The following STON1 variants were observed in gnomAD, a reference collection of about 807,000 sequenced individuals.
The protein encoded by STON1 is stonin 1, also known as stonin-1.
Under a neutral mutation model 60.9 loss-of-function variants are expected in STON1, and 79 were observed. The ratio of observed to expected loss-of-function variants is 1.30; its 90% CI spans 1.08 to 1.56. The LOEUF (loss-of-function observed/expected upper bound fraction) is 1.56. Ranked by LOEUF, STON1 falls within the 40% of genes most tolerant of loss-of-function variation. The probability of loss-of-function intolerance (pLI) is 0.00; values close to 1 mark genes in which losing one functional copy is unlikely to be tolerated. For synonymous variants in STON1, 363 were observed against 306.9 expected (o/e 1.18, Z -1.91); for missense variants, 1,166 against 858.9 (o/e 1.36, Z -4.47).
intron 2 of STON1, among the ~76,000 whole-genome samples, chr2:48,589,762 G>T (rs1674408373): frequency 6.6e-6 from 1 of 152,074 alleles, no homozygotes; most frequent in Non-Finnish European, 1.5e-5. Flanking sequence ...ATCATGTGTA[G>T]TATAATTTTT....
Position 48,581,741 on chromosome 2 carries a change from C to G in STON1, c.1108C>G (p.Pro370Ala), listed in dbSNP as rs1234127894. 5 of 1,612,252 alleles carry G rather than the reference C, an allele frequency of 3.1e-6. No homozygotes were observed. Among genetic ancestry groups the G allele is most frequent in the Admixed American group, 1.7e-5 (1 of 59,600 alleles). Residue 370 changes from proline (P) to alanine (A), a missense_variant, in exon 2 of 4, where the codon CCT becomes GCT. Coordinates refer to ENST00000404752, the MANE Select transcript of STON1 (RefSeq NM_006873.4). ...YHSKTEVVHE[P>A]DIEQMLKLGS... is the part of the protein sequence containing the mutation. ...TTCTAAGACAGAAGTAGTTCATGAACCTGACATAGAGCAGATGCTGAAGTT... is the reference window on the plus strand; with the variant it reads ...TTCTAAGACAGAAGTAGTTCATGAAGCTGACATAGAGCAGATGCTGAAGTT...
At chr2:48,534,569 A>G (rs1428194671) in intron 1 of STON1, among the ~76,000 whole-genome samples, 2 of 152,178 alleles carry the variant, frequency 1.3e-5, no homozygotes, top group Non-Finnish European at 2.9e-5. Flanking sequence ...CTATAATCTC[A>G]GCACTTTGGG....
chr2:48,553,446 C>T (rs1028328448), intron 1 of STON1, among the ~76,000 whole-genome samples: 1 of 150,972 alleles, frequency 6.6e-6, no homozygotes, highest in South Asian at 2.1e-4. Flanking sequence ...CTCTCTCTCT[C>T]GTTTGTTTTG....
At chr2:48,543,450 A>G (rs1238206946) in intron 1 of STON1, among the ~76,000 whole-genome samples, 2 of 151,976 alleles carry the variant, frequency 1.3e-5, no homozygotes, top group Non-Finnish European at 2.9e-5. Flanking sequence ...CCTCTTAACC[A>G]GAAATATCTC....
At position 48,595,350 on chromosome 2, in the gene STON1, C is replaced by T. The variant is rs776238962; in HGVS notation, c.*48C>T. On this transcript the variant is annotated 3_prime_UTR_variant, in exon 4 of 4. Coordinates refer to ENST00000404752, the MANE Select transcript of STON1 (RefSeq NM_006873.4). ...CAGCCCACTTGTCAAATATGTAATT[C>T]ACCGAAACCACACCAAGTCCTGCTA... The T allele has an allele frequency of 2.0e-6, 3 of 1,507,466 alleles. No homozygotes were observed. The highest frequency in any genetic ancestry group is 1.1e-5 in the South Asian group (1 of 87,982). 93.4% of individuals were successfully genotyped at this position (1,507,466 alleles called of 1,614,324 possible).
chr2:48,552,075 A>G (rs968227886), intron 1 of STON1, among the ~76,000 whole-genome samples: 20 of 152,238 alleles, frequency 1.3e-4, no homozygotes, highest in African/African-American at 4.3e-4. Flanking sequence ...GTTGCTGCAG[A>G]GCAGCTACTC....
intron 1 of STON1, among the ~76,000 whole-genome samples, chr2:48,534,037 A>G (rs535618815): frequency 6.6e-6 from 1 of 152,210 alleles, no homozygotes; most frequent in East Asian, 1.9e-4. Flanking sequence ...CCAAAGTGTC[A>G]GGATTATAGG....
At chr2:48,541,745 A>G (rs983560662) in intron 1 of STON1, among the ~76,000 whole-genome samples, 1 of 151,114 alleles carries the variant, frequency 6.6e-6, no homozygotes, top group Non-Finnish European at 1.5e-5. Context: ...AACAGAATAC[A>G]GCAAAGTAAA....
At chr2:48,579,285 G>A (rs1050123285) in intron 1 of STON1, among the ~76,000 whole-genome samples, 2 of 151,008 alleles carry the variant, frequency 1.3e-5, no homozygotes, top group African/African-American at 2.4e-5. Flanking sequence ...GATTATAGAT[G>A]TGAGCCACTG....
chr2:48,586,883 G>C (rs956631832), intron 2 of STON1, among the ~76,000 whole-genome samples: 1 of 152,110 alleles, frequency 6.6e-6, no homozygotes, highest in African/African-American at 2.4e-5. Flanking sequence ...ATGGGTGAGC[G>C]AATTCAGGGG....
At position 48,564,572 on chromosome 2, in the gene STON1, T is replaced by TCCTCCTC. The variant is rs1558605725; in HGVS notation, c.-47-16014_-47-16013insCTCCTCC. 3.7e-5 allele frequency among the ~76,000 whole-genome samples: 2 copies of TCCTCCTC among 54,000 alleles called. 1 individual carries two copies. Among genetic ancestry groups the TCCTCCTC allele is most frequent in the African/African-American group, 1.6e-4 (2 of 12,756 alleles). 35.4% of individuals were successfully genotyped at this position (54,000 alleles called of 152,430 possible). A position where few individuals can be genotyped will look rare whatever the true frequency, so the allele number is the denominator to read the frequency against. The stretch of plus-strand genomic sequence containing the variant: ...TTCTTCTTCTTCTTCTTCTTCTCCT[T>TCCTCCTC]CTCCTTCTCCTCCTCCTCCTCCTCC... On this transcript the variant is annotated intron_variant, in intron 1 of 3. Transcript: ENST00000404752.
intron 1 of STON1, among the ~76,000 whole-genome samples, chr2:48,561,772 G>C (rs1018547919): frequency 6.6e-6 from 1 of 152,198 alleles, no homozygotes; most frequent in African/African-American, 2.4e-5. Flanking sequence ...GTAATGCTAA[G>C]TCCTGGGTGG....
chr2:48,561,004 TTG>T (rs1445663359), intron 1 of STON1, among the ~76,000 whole-genome samples: 1 of 152,234 alleles, frequency 6.6e-6, no homozygotes, highest in Non-Finnish European at 1.5e-5. Context: ...CCTTAGCTTT[TTG>T]TGTGTGTCTT....
chr2:48,557,420 G>C (rs1313389202), intron 1 of STON1, among the ~76,000 whole-genome samples: 1 of 94,596 alleles, frequency 1.1e-5, no homozygotes, highest in African/African-American at 3.4e-5. Flanking sequence ...ATGTGATGGC[G>C]GCCGGGCAGA....
At chr2:48,577,915 C>CA (rs775881762) in intron 1 of STON1, among the ~76,000 whole-genome samples, 14 of 149,096 alleles carry the variant, frequency 9.4e-5, no homozygotes, top group African/African-American at 1.2e-4. Context: ...CGAGCCCGGC[C>CA]AAAAAAAACC....
chr2:48,560,303 C>T lies in STON1; in HGVS notation c.-47-20284C>T, dbSNP rs149148920. Among the ~76,000 whole-genome samples the T allele has an allele frequency of 3.2e-3, 485 of 152,298 alleles. 3 individuals are homozygous for T. The highest frequency in any genetic ancestry group is 0.014 in the Middle Eastern group (4 of 294). On this transcript the variant is annotated intron_variant, in intron 1 of 3. Coordinates refer to ENST00000404752, the MANE Select transcript of STON1 (RefSeq NM_006873.4). The stretch of plus-strand genomic sequence containing the variant: ...AAACGCTCTTCAGCTAACTTGATCT[C>T]GCATCATTTTCCCAGCTTCCTTTGA...
chr2:48,580,822 C>T lies in STON1; in HGVS notation c.189C>T (p.Ser63=), dbSNP rs372424278. 4.1e-5 allele frequency: 64 copies of T among 1,549,802 alleles called. No individual in the cohort carries two copies. In the Middle Eastern group the frequency reaches 5.2e-4, roughly 13 times the overall value. The change falls in exon 2 of 4, where the codon TCC becomes TCT. Residue 63 remains serine (S), a synonymous_variant. Transcript: ENST00000404752. Reference sequence around the variant, plus strand: ...CCTCCACCAGCAGCACTCCTCTCTCCTCCCCCATTGTAGATTTTTATTTCA... The same window carrying T: ...CCTCCACCAGCAGCACTCCTCTCTCTTCCCCCATTGTAGATTTTTATTTCA... ...GSSSTSSTPL[S]SPIVDFYFSP...
chr2:48,556,971 G>C (rs1423079182), intron 1 of STON1, among the ~76,000 whole-genome samples: 1 of 50,128 alleles, frequency 2.0e-5, no homozygotes, highest in East Asian at 8.8e-4. Context: ...CCGGGCGGGG[G>C]GCTGACCCCC....
At position 48,583,784 on chromosome 2, in the gene STON1, G is replaced by A. The variant is rs544967892; in HGVS notation, c.1930+1221G>A. Among the ~76,000 whole-genome samples the A allele has an allele frequency of 2.5e-4, 36 of 143,598 alleles. No homozygotes were observed. The South Asian group carries it at 6.4e-3, about 25-fold the overall frequency. 94.2% of individuals were successfully genotyped at this position (143,598 alleles called of 152,430 possible). A position where few individuals can be genotyped will look rare whatever the true frequency, so the allele number is the denominator to read the frequency against. Reference sequence around the variant, plus strand: ...TTTTTTTTTTTTGAGATGGAGTCTCGCTTTCTCACCCAGGTGGAGTGCGGT... The same window carrying A: ...TTTTTTTTTTTTGAGATGGAGTCTCACTTTCTCACCCAGGTGGAGTGCGGT... On this transcript the variant is annotated intron_variant, in intron 2 of 3. Transcript: ENST00000404752.
Sources: gnomAD v4.1 joint callset for allele counts (sites outside exome capture counted in the v4.1 genomes callset) on GRCh38, gnomAD v4.1.1 for gene constraint, MANE v1.5 for transcripts, NCBI Gene and HGNC (gene_info 2026-07-23, HGNC 2026-07-21) for gene names.